WWOX: variants seen among roughly 807,000 people sequenced by gnomAD.
WWOX encodes WW domain containing oxidoreductase, also known as WW domain-containing oxidoreductase.
Under a neutral mutation model 46.2 loss-of-function variants are expected in WWOX, and 69 were observed. The observed-to-expected ratio is 1.49, with a 90% CI of 1.23 to 1.82. The LOEUF (loss-of-function observed/expected upper bound fraction) is 1.82, where lower values mean the gene tolerates loss of function less well. Ranked by LOEUF, WWOX falls within the 40% of genes most tolerant of loss-of-function variation. The pLI, the probability that WWOX is intolerant of heterozygous loss-of-function variation, is 0.00. For synonymous variants in WWOX, 359 were observed against 202.6 expected (o/e 1.77, Z -6.56); for missense variants, 919 against 542.6 (o/e 1.69, Z -6.89).
At chr16:79,164,951 C>T (rs1376562683) in intron 8 of WWOX, among the ~76,000 whole-genome samples, 2 of 152,070 alleles carry the variant, frequency 1.3e-5, no homozygotes, top group Non-Finnish European at 2.9e-5. Flanking sequence ...TTGTTATTCA[C>T]CCAGTACAAC....
Position 79,023,397 on chromosome 16 carries a change from C to G in WWOX, c.1057-188211C>G, listed in dbSNP as rs146610130. On this transcript the variant is annotated intron_variant, in intron 8 of 8. Coordinates refer to ENST00000566780, the MANE Select transcript of WWOX (RefSeq NM_016373.4). Reference sequence around the variant, plus strand: ...GTGCCTAATTCCCTTGAGTGATTTACTTGGTGTTACCCTGGAGTTGTGAGG... The same window carrying G: ...GTGCCTAATTCCCTTGAGTGATTTAGTTGGTGTTACCCTGGAGTTGTGAGG... Among the ~76,000 whole-genome samples, 144 of 152,274 alleles carry G rather than the reference C, an allele frequency of 9.5e-4. 1 individual carries two copies. The Middle Eastern group carries it at 0.017, about 18-fold the overall frequency.
intron 5 of WWOX, among the ~76,000 whole-genome samples, chr16:78,317,675 GCT>G (rs1297863104): frequency 6.6e-6 from 1 of 152,050 alleles, no homozygotes. Flanking sequence ...CTGGACTCCT[GCT>G]CTCTGTTGAC....
Position 78,144,523 on chromosome 16 carries a change from A to ATATATATATATATATTT in WWOX, c.410-19659_410-19658insATATATATATATATTTT, listed in dbSNP as rs1198739687. ...CACATATATATATATATATATATAT[A>ATATATATATATATATTT]TTTTTTTTTTTTTTTGGAGATGGAG... On this transcript the variant is annotated intron_variant, in intron 4 of 8. Transcript: ENST00000566780. 1.6e-4 allele frequency among the ~76,000 whole-genome samples: 3 copies of ATATATATATATATATTT among 18,630 alleles called. 1 individual carries two copies. The highest frequency in any genetic ancestry group is 2.6e-4 in the Non-Finnish European group (3 of 11,532). 12.2% of individuals were successfully genotyped at this position (18,630 alleles called of 152,430 possible). A position where few individuals can be genotyped will look rare whatever the true frequency, so the allele number is the denominator to read the frequency against.
At chr16:78,163,204 G>C (rs1281544064) in intron 4 of WWOX, among the ~76,000 whole-genome samples, 2 of 152,152 alleles carry the variant, frequency 1.3e-5, no homozygotes, top group African/African-American at 4.8e-5. Flanking sequence ...GGTAATTTGA[G>C]ACTCTAGATA....
chr16:78,942,052 C>T (rs531536171), intron 8 of WWOX, among the ~76,000 whole-genome samples: 3 of 152,202 alleles, frequency 2.0e-5, no homozygotes, highest in African/African-American at 4.8e-5. Context: ...CTGGTCTAGC[C>T]GCTGATAGGT....
chr16:78,175,254 G>C (rs938280003), intron 5 of WWOX, among the ~76,000 whole-genome samples: 2 of 152,050 alleles, frequency 1.3e-5, no homozygotes, highest in Admixed American at 1.3e-4. Flanking sequence ...GCTAGTCCCT[G>C]ACCCTTAGGT....
At chr16:78,739,150 G>C (rs904015972) in intron 8 of WWOX, among the ~76,000 whole-genome samples, 3 of 152,302 alleles carry the variant, frequency 2.0e-5, no homozygotes, top group Admixed American at 1.3e-4. Flanking sequence ...AGTGACTTCT[G>C]AGTTCCCAGA....
intron 8 of WWOX, among the ~76,000 whole-genome samples, chr16:78,929,855 C>G (rs952856303): frequency 6.6e-6 from 1 of 152,150 alleles, no homozygotes; most frequent in African/African-American, 2.4e-5. Flanking sequence ...TGTGCACGGA[C>G]CCTTGCCTTT....
At chr16:78,460,108 C>T (rs761254716) in intron 8 of WWOX, among the ~76,000 whole-genome samples, 4 of 151,890 alleles carry the variant, frequency 2.6e-5, no homozygotes, top group African/African-American at 9.7e-5. Context: ...TACCTGGACT[C>T]CACTATGCCT....
At chr16:79,168,507 G>C (rs897072347) in intron 8 of WWOX, among the ~76,000 whole-genome samples, 2 of 152,160 alleles carry the variant, frequency 1.3e-5, no homozygotes, top group Non-Finnish European at 2.9e-5. Flanking sequence ...CAGGCATCCA[G>C]TCCCTGTTAT....
At chr16:78,960,029 T>C (rs189634737) in intron 8 of WWOX, among the ~76,000 whole-genome samples, 25 of 152,322 alleles carry the variant, frequency 1.6e-4, no homozygotes, top group Admixed American at 1.6e-3. Flanking sequence ...GCTTTAGGTC[T>C]ACCAGTTAGT....
chr16:78,432,587 G>T lies in WWOX; in HGVS notation c.891G>T (p.Lys297Asn), dbSNP rs769246379. 1.2e-6 allele frequency: 2 copies of T among 1,614,068 alleles called. No homozygotes were observed. The highest frequency in any genetic ancestry group is 2.7e-5 in the African/African-American group (2 of 74,920). ...YWAMLAYNRSKLCNILFSNEL... is the reference protein window; with the variant it reads ...YWAMLAYNRSNLCNILFSNEL... ...CGATGCTGGCTTATAACAGGTCCAA[G>T]CTCTGCAACATCCTCTTCTCCAACG... The change falls in exon 8 of 9, where the codon AAG (lysine) becomes AAT (asparagine). Residue 297 changes from lysine to asparagine, a missense_variant. Transcript: ENST00000566780.
At chr16:78,762,449 G>T (rs1160798028) in intron 8 of WWOX, among the ~76,000 whole-genome samples, 1 of 152,144 alleles carries the variant, frequency 6.6e-6, no homozygotes, top group Non-Finnish European at 1.5e-5. Context: ...CCACTGAGTC[G>T]AATAGACATT....
chr16:78,438,865 C>T (rs80240771), intron 8 of WWOX, among the ~76,000 whole-genome samples: 8,227 of 152,168 alleles, frequency 0.054, 302 homozygotes, highest in Non-Finnish European at 0.08. Flanking sequence ...TAAATTATAA[C>T]TAGAAAAAGC....
intron 8 of WWOX, among the ~76,000 whole-genome samples, chr16:79,029,298 G>T (rs1346908375): frequency 6.6e-6 from 1 of 152,160 alleles, no homozygotes; most frequent in African/African-American, 2.4e-5. Context: ...ATCCTCAGCT[G>T]CAGGCATGGG....
intron 8 of WWOX, among the ~76,000 whole-genome samples, chr16:78,894,409 G>A (rs2044656709): frequency 6.6e-6 from 1 of 152,134 alleles, no homozygotes; most frequent in African/African-American, 2.4e-5. Flanking sequence ...GTTCAGTGAT[G>A]CTTAAGCATG....
intron 8 of WWOX, among the ~76,000 whole-genome samples, chr16:78,651,845 T>G (rs1478792399): frequency 6.6e-6 from 1 of 152,234 alleles, no homozygotes; most frequent in Non-Finnish European, 1.5e-5. Context: ...CCTTATTCTT[T>G]CGGAGCCTTA....
At chr16:79,170,087 C>T (rs530884614) in intron 8 of WWOX, among the ~76,000 whole-genome samples, 1 of 152,308 alleles carries the variant, frequency 6.6e-6, no homozygotes, top group Non-Finnish European at 1.5e-5. Flanking sequence ...CCTAACATGT[C>T]TGGTGAAAAT....
intron 6 of WWOX, among the ~76,000 whole-genome samples, chr16:78,403,571 T>G (rs1010095415): frequency 6.6e-6 from 1 of 152,154 alleles, no homozygotes; most frequent in Admixed American, 6.5e-5. Flanking sequence ...ACCAAGTGGG[T>G]AAAATGCTTT....
Sources: gnomAD v4.1 joint callset for allele counts (sites outside exome capture counted in the v4.1 genomes callset) on GRCh38, gnomAD v4.1.1 for gene constraint, MANE v1.5 for transcripts, NCBI Gene and HGNC (gene_info 2026-07-23, HGNC 2026-07-21) for gene names.